Variants in PLSCR4 observed in about 807,000 individuals in gnomAD.
The protein encoded by PLSCR4 is phospholipid scramblase 4, also known as Ca(2+)-dependent phospholipid scramblase 4.
In PLSCR4, 25 loss-of-function variants were observed where a neutral mutation model predicts 36.3. That is an observed-to-expected ratio of 0.69 (90% CI 0.50 to 0.96). PLSCR4 has a LOEUF of 0.96. Ranked by LOEUF, PLSCR4 falls within the 40% of genes least tolerant of loss-of-function variation. The pLI is 0.00. For missense variants in PLSCR4, 408 were observed against 414.7 expected (o/e 0.98, Z 0.14); for synonymous variants, 122 against 132.9 (o/e 0.92, Z 0.56).
At chr3:146,227,859 C>T (rs72991492) in intron 1 of PLSCR4, among the ~76,000 whole-genome samples, 9,467 of 152,312 alleles carry the variant, frequency 0.062, 794 homozygotes, top group African/African-American at 0.19. Context: ...CCTACACCAG[C>T]TACCATGATA....
At chr3:146,236,745 G>A (rs1228972773) in intron 1 of PLSCR4, among the ~76,000 whole-genome samples, 1 of 152,170 alleles carries the variant, frequency 6.6e-6, no homozygotes, top group African/African-American at 2.4e-5. Flanking sequence ...CCCATCTCAG[G>A]TATGTCTTTA....
intron 1 of PLSCR4, among the ~76,000 whole-genome samples, chr3:146,225,669 G>T (rs113409632): frequency 0.025 from 3,741 of 152,056 alleles, 140 homozygotes; most frequent in African/African-American, 0.077. Flanking sequence ...GCAGCCACTG[G>T]CCCAGGAGCT....
At chr3:146,196,576 G>A in intron 7 of PLSCR4, 56 bp downstream of exon 7, 1 of 1,519,040 alleles carries the variant, frequency 6.6e-7, no homozygotes. Context: ...ATCTTTCCAT[G>A]GTCTGTTAAT....
At chr3:146,211,824 G>A (rs1002462871) in intron 3 of PLSCR4, among the ~76,000 whole-genome samples, 3 of 151,936 alleles carry the variant, frequency 2.0e-5, no homozygotes, top group African/African-American at 7.2e-5. Context: ...TTTCCCTATT[G>A]AATTATTTTG....
chr3:146,227,801 C>CT (rs2035538669), intron 1 of PLSCR4, among the ~76,000 whole-genome samples: 1 of 152,204 alleles, frequency 6.6e-6, no homozygotes, highest in South Asian at 2.1e-4. Flanking sequence ...TGAGCAATTC[C>CT]TTCTGCTTCT....
chr3:146,203,377 C>T (rs948940019), intron 4 of PLSCR4, among the ~76,000 whole-genome samples: 1 of 151,914 alleles, frequency 6.6e-6, no homozygotes. Context: ...GCAAGAGACC[C>T]TAACAGGGAA....
intron 1 of PLSCR4, among the ~76,000 whole-genome samples, chr3:146,242,292 A>G (rs550971834): frequency 3.7e-4 from 57 of 152,222 alleles, no homozygotes; most frequent in African/African-American, 1.2e-3. Context: ...ATTTGCCTAA[A>G]GTTTTTCTTT....
Position 146,195,260 on chromosome 3 carries a change from G to T in PLSCR4, c.809C>A (p.Ser270Tyr), listed in dbSNP as rs1261017325. ...VFEVKSLDGI[S>Y]NIGSIIRKWN... ...CTTCCGGATAATACTGCCGATGTTG[G>T]ATATGCCATCAAGGGATTTGACCTG... is the stretch of plus-strand genomic sequence containing the variant. The change falls in exon 8 of 9, where the codon TCC becomes TAC. Residue 270 changes from serine (S) to tyrosine (Y), a missense_variant. Transcript: ENST00000354952. 4 of 1,613,454 alleles carry T rather than the reference G, an allele frequency of 2.5e-6. No homozygotes were observed. The Admixed American group carries it at 6.7e-5, about 27-fold the overall frequency.
chr3:146,194,918 C>T (rs2033633707), intron 8 of PLSCR4, among the ~76,000 whole-genome samples: 2 of 152,028 alleles, frequency 1.3e-5, no homozygotes, highest in South Asian at 2.1e-4. Context: ...CATTCATAAC[C>T]CTGAAAATTA....
chr3:146,220,881 T>C lies in PLSCR4; in HGVS notation c.52A>G (p.Asn18Asp). ...CTTGGATCTGGTGGTTTTGTTTGAT[T>C]TTCCATTTCACCTGCAGGCTGTTCA... The part of the protein sequence containing the change: ...APEQPAGEME[N>D]QTKPPDPRPD... The change falls in exon 3 of 9, where the codon AAT becomes GAT. Residue 18 changes from asparagine (N) to aspartate (D), a missense_variant. Coordinates refer to ENST00000354952, the MANE Select transcript of PLSCR4 (RefSeq NM_020353.3). 2 of 1,613,810 alleles carry C rather than the reference T, an allele frequency of 1.2e-6. No homozygotes were observed. Among genetic ancestry groups the C allele is most frequent in the Middle Eastern group, 1.7e-4 (1 of 6,058 alleles).
intron 3 of PLSCR4, among the ~76,000 whole-genome samples, chr3:146,214,150 C>T (rs1252925857): frequency 1.5e-4 from 1 of 6,868 alleles, no homozygotes; most frequent in Non-Finnish European, 3.6e-4. Context: ...GAGACGGAGT[C>T]TCGCTCTGTC....
intron 3 of PLSCR4, among the ~76,000 whole-genome samples, chr3:146,213,029 A>G (rs2034702955): frequency 6.6e-6 from 1 of 152,162 alleles, no homozygotes; most frequent in African/African-American, 2.4e-5. Context: ...GTGTTTTAAT[A>G]TGATATTTAA....
chr3:146,232,143 T>C (rs1485575150), intron 1 of PLSCR4, among the ~76,000 whole-genome samples: 1 of 152,182 alleles, frequency 6.6e-6, no homozygotes, highest in Non-Finnish European at 1.5e-5. Context: ...ATTGTTGACT[T>C]TGTTAAAAAT....
intron 3 of PLSCR4, among the ~76,000 whole-genome samples, chr3:146,209,720 G>T (rs1005808875): frequency 6.6e-6 from 1 of 151,956 alleles, no homozygotes; most frequent in Non-Finnish European, 1.5e-5. Context: ...ACTGGGTCTT[G>T]GTTGTCTACC....
At chr3:146,211,792 T>A (rs1439087288) in intron 3 of PLSCR4, among the ~76,000 whole-genome samples, 2 of 152,160 alleles carry the variant, frequency 1.3e-5, no homozygotes, top group Non-Finnish European at 2.9e-5. Flanking sequence ...TTGTCTCAGA[T>A]CCTTTGTTGA....
At chr3:146,228,254 G>A (rs1452368231) in intron 1 of PLSCR4, among the ~76,000 whole-genome samples, 1 of 152,306 alleles carries the variant, frequency 6.6e-6, no homozygotes, top group Middle Eastern at 3.4e-3. Context: ...ACATACTGAT[G>A]AAGAGACCAA....
intron 3 of PLSCR4, among the ~76,000 whole-genome samples, chr3:146,214,794 T>G (rs2108271590): frequency 6.6e-6 from 1 of 152,292 alleles, no homozygotes; most frequent in South Asian, 2.1e-4. Context: ...TGTGCCCAGT[T>G]TGGTTTATAG....
At chr3:146,204,228 A>C (rs2034199330) in intron 4 of PLSCR4, among the ~76,000 whole-genome samples, 1 of 151,920 alleles carries the variant, frequency 6.6e-6, no homozygotes, top group South Asian at 2.1e-4. Flanking sequence ...GATTCTTGGG[A>C]ACCTTGATAA....
chr3:146,245,055 T>G (rs928993179), intron 1 of PLSCR4, among the ~76,000 whole-genome samples: 1 of 152,070 alleles, frequency 6.6e-6, no homozygotes, highest in East Asian at 1.9e-4. Context: ...CAAGACTTCA[T>G]TGGATGAAGT....
Sources: gnomAD v4.1 joint callset for allele counts (sites outside exome capture counted in the v4.1 genomes callset) on GRCh38, gnomAD v4.1.1 for gene constraint, MANE v1.5 for transcripts, NCBI Gene and HGNC (gene_info 2026-07-23, HGNC 2026-07-21) for gene names.